AADACL4: variants seen among roughly 807,000 people sequenced by gnomAD.
The protein encoded by AADACL4 is arylacetamide deacetylase-like 4.
A neutral mutation model predicts 14.1 loss-of-function variants in AADACL4; 9 were observed. That is an observed-to-expected ratio of 0.64 (90% CI 0.39 to 1.12). The LOEUF is 1.12. Ranked by LOEUF, AADACL4 falls within the 50% of genes most tolerant of loss-of-function variation. The pLI is 0.01. For synonymous variants in AADACL4, 188 were observed against 201.6 expected (o/e 0.93, Z 0.57); for missense variants, 531 against 516.1 (o/e 1.03, Z -0.28).
At chr1:12,647,687 C>G (rs1647119962) in intron 1 of AADACL4, among the ~76,000 whole-genome samples, 1 of 148,080 alleles carries the variant, frequency 6.8e-6, no homozygotes, top group Middle Eastern at 3.2e-3. Flanking sequence ...CAGTCTCAGT[C>G]TCTTACCATG....
chr1:12,657,199 G>C (rs920478632), intron 2 of AADACL4, among the ~76,000 whole-genome samples: 6 of 151,304 alleles, frequency 4.0e-5, no homozygotes, highest in Middle Eastern at 3.2e-3. Flanking sequence ...ACTCTGTGTA[G>C]GTTGAAAATT....
chr1:12,666,015 T>G lies in AADACL4; in HGVS notation c.504T>G (p.Asn168Lys), dbSNP rs746612806. Residue 168 changes from asparagine to lysine, a missense_variant, in exon 4 of 4, where the codon AAT becomes AAG. By Grantham distance (94) the Asn-to-Lys change is moderately conservative. Coordinates refer to ENST00000376221, the MANE Select transcript of AADACL4 (RefSeq NM_001013630.2). ...CTGCCCTTTTCCAAGACTGCATGAATGCCTCCATTCACTTCCTGAAGGCCC... is the reference window on the plus strand; with the variant it reads ...CTGCCCTTTTCCAAGACTGCATGAAGGCCTCCATTCACTTCCTGAAGGCCC... ...HSPALFQDCM[N>K]ASIHFLKALE... is the part of the protein sequence containing the mutation. The G allele has an allele frequency of 6.2e-7, 1 of 1,614,062 alleles. No homozygotes were observed. The highest frequency in any genetic ancestry group is 8.5e-7 in the Non-Finnish European group (1 of 1,179,936).
chr1:12,658,303 G>C (rs1250444868), intron 2 of AADACL4, among the ~76,000 whole-genome samples: 1 of 149,938 alleles, frequency 6.7e-6, no homozygotes, highest in Non-Finnish European at 1.5e-5. Context: ...CTGTCACCCA[G>C]GCTGGAGCAC....
At chr1:12,648,601 T>C (rs941528021) in intron 1 of AADACL4, among the ~76,000 whole-genome samples, 10 of 150,810 alleles carry the variant, frequency 6.6e-5, no homozygotes, top group African/African-American at 2.4e-4. Flanking sequence ...TGGGGTTTCT[T>C]CATGTTGTCC....
chr1:12,648,385 C>CT (rs1283743518), intron 1 of AADACL4, among the ~76,000 whole-genome samples: 18 of 149,170 alleles, frequency 1.2e-4, no homozygotes, highest in African/African-American at 3.0e-4. Context: ...TCCTTCCTTC[C>CT]TTCCTTTCTT....
rs192329472 is a variant in AADACL4, at chr1:12,651,249, G to A, written c.295G>A (p.Val99Met). 9.9e-6 allele frequency: 16 copies of A among 1,614,212 alleles called. No individual in the cohort carries two copies. Among genetic ancestry groups the A allele is most frequent in the Admixed American group, 5.0e-5 (3 of 60,026 alleles). The change falls in exon 2 of 4, where the codon GTG (valine) becomes ATG (methionine). Residue 99 changes from valine to methionine, a missense_variant. Transcript: ENST00000376221. Reference protein sequence around the residue: ...VTDLRFGTIPVRLFQPKAASS... With the variant: ...VTDLRFGTIPMRLFQPKAASS... ...CGACCTGCGTTTTGGGACGATACCC[G>A]TGAGGCTGTTCCAGCCGAAGGCAGC...
Position 12,666,852 on chromosome 1 carries a change from C to A in AADACL4, c.*117C>A. 1 of 1,101,048 alleles carries A rather than the reference C, an allele frequency of 9.1e-7. No homozygotes were observed. Among genetic ancestry groups the A allele is most frequent in the Non-Finnish European group, 1.3e-6 (1 of 777,432 alleles). The allele number at this position is 1,101,048 out of a possible 1,614,324, so 68.2% of individuals were successfully genotyped here. ...GGTGCTACATCAATGCTTGGGGCAG[C>A]TGGGAAGGGTGAGAAGTAAGCTAAC... On this transcript the variant is annotated 3_prime_UTR_variant, in exon 4 of 4. Coordinates refer to ENST00000376221, the MANE Select transcript of AADACL4 (RefSeq NM_001013630.2).
rs1647233745 is a variant in AADACL4 at position 12,661,839 on chromosome 1, T to C, written c.434T>C (p.Val145Ala). 1 of 1,614,032 alleles carries C rather than the reference T, an allele frequency of 6.2e-7. No homozygotes were observed. Among genetic ancestry groups the C allele is most frequent in the African/African-American group, 1.3e-5 (1 of 74,918 alleles). The change falls in exon 3 of 4, where the codon GTA becomes GCA. Residue 145 changes from valine (V) to alanine (A), a missense_variant. Physicochemically the swap from Val to Ala is moderately conservative, Grantham distance 64 (BLOSUM62 0). Coordinates refer to ENST00000376221, the MANE Select transcript of AADACL4 (RefSeq NM_001013630.2). ...TATCTGGCCCGGGAGACTGAATCTG[T>C]ACTTCTGATGATTGGGTGAGTTTCT... ...CNYLARETESVLLMIGYRKLP... is the reference protein window; with the variant it reads ...CNYLARETESALLMIGYRKLP...
At position 12,651,262 on chromosome 1, in the gene AADACL4, A is replaced by C. The variant is rs780251378; in HGVS notation, c.308A>C (p.Gln103Pro). 1.5e-5 allele frequency: 24 copies of C among 1,614,110 alleles called. No individual in the cohort carries two copies. The highest frequency in any genetic ancestry group is 1.5e-5 in the Non-Finnish European group (18 of 1,180,056). Residue 103 changes from glutamine to proline, a missense_variant, in exon 2 of 4, where the codon CAG (glutamine) becomes CCG (proline). Physicochemically the swap from Gln to Pro is moderately conservative, Grantham distance 76 (BLOSUM62 -1). Transcript: ENST00000376221. ...GGGACGATACCCGTGAGGCTGTTCCAGCCGAAGGCAGCATCCTCCAGACCC... is the reference window on the plus strand; with the variant it reads ...GGGACGATACCCGTGAGGCTGTTCCCGCCGAAGGCAGCATCCTCCAGACCC... Reference protein sequence around the residue: ...RFGTIPVRLFQPKAASSRPRR... With the variant: ...RFGTIPVRLFPPKAASSRPRR...
intron 1 of AADACL4, among the ~76,000 whole-genome samples, chr1:12,645,473 A>G (rs927192132): frequency 6.6e-6 from 1 of 152,096 alleles, no homozygotes; most frequent in Non-Finnish European, 1.5e-5. Context: ...GTGGCCTGAC[A>G]GCCCCTGCCC....
At chr1:12,654,445 G>T (rs1647168813) in intron 2 of AADACL4, among the ~76,000 whole-genome samples, 2 of 152,212 alleles carry the variant, frequency 1.3e-5, no homozygotes, top group Admixed American at 1.3e-4. Flanking sequence ...GGAGTTTCTT[G>T]GTTCCATACT....
chr1:12,645,872 C>T (rs1416567785), intron 1 of AADACL4, among the ~76,000 whole-genome samples: 1 of 152,196 alleles, frequency 6.6e-6, no homozygotes, highest in African/African-American at 2.4e-5. Context: ...TTATTCATCT[C>T]TGTAAGCCCA....
At chr1:12,656,429 C>T (rs764990816) in intron 2 of AADACL4, among the ~76,000 whole-genome samples, 6 of 152,208 alleles carry the variant, frequency 3.9e-5, no homozygotes, top group Non-Finnish European at 8.8e-5. Context: ...AGCTGTGGGC[C>T]TGCAAGCTTG....
rs751760899 is a variant in AADACL4, at chr1:12,661,777, T to C, written c.386-14T>C. ...TACTCATGCGCTGCTGCTCTGAGTG[T>C]TTTTGTCTTGCAGATTGTTACCATG... On this transcript the variant is annotated splice_polypyrimidine_tract_variant and intron_variant, in intron 2 of 3. Transcript: ENST00000376221. 2.5e-5 allele frequency: 41 copies of C among 1,613,604 alleles called. No individual in the cohort carries two copies. The highest frequency in any genetic ancestry group is 3.2e-5 in the Non-Finnish European group (38 of 1,179,860).
chr1:12,658,060 T>TTC (rs1557550713), intron 2 of AADACL4, among the ~76,000 whole-genome samples: 1 of 144,172 alleles, frequency 6.9e-6, no homozygotes, highest in Non-Finnish European at 1.5e-5. Context: ...TTCCTTCCTT[T>TTC]CTTTTTCTCT....
chr1:12,656,339 C>T (rs1252973149), intron 2 of AADACL4, among the ~76,000 whole-genome samples: 1 of 152,218 alleles, frequency 6.6e-6, no homozygotes, highest in Admixed American at 6.5e-5. Context: ...TCCTCGGCAT[C>T]TAGGCATCTC....
At chr1:12,654,573 G>A (rs1395035415) in intron 2 of AADACL4, among the ~76,000 whole-genome samples, 1 of 152,142 alleles carries the variant, frequency 6.6e-6, no homozygotes, top group Non-Finnish European at 1.5e-5. Context: ...TGATAGAGTG[G>A]CTCATTTATT....
chr1:12,659,886 A>T (rs1257105205), intron 2 of AADACL4, among the ~76,000 whole-genome samples: 1 of 152,124 alleles, frequency 6.6e-6, no homozygotes, highest in Non-Finnish European at 1.5e-5. Context: ...TGATGCAATT[A>T]TGGCTCACTG....
At chr1:12,651,860 G>C (rs1191843078) in intron 2 of AADACL4, among the ~76,000 whole-genome samples, 1 of 140,948 alleles carries the variant, frequency 7.1e-6, no homozygotes, top group Admixed American at 7.4e-5. Flanking sequence ...ATGGAGTCTC[G>C]CTCTGTCGCT....
Sources: allele counts gnomAD v4.1 joint callset (sites outside exome capture counted in the v4.1 genomes callset), GRCh38; gene constraint gnomAD v4.1.1; transcripts MANE v1.5; gene names NCBI Gene and HGNC (gene_info 2026-07-23, HGNC 2026-07-21).